The following DGKI variants were observed in gnomAD, a reference collection of about 807,000 sequenced individuals.
The protein encoded by DGKI is diacylglycerol kinase iota.
A neutral mutation model predicts 147.5 loss-of-function variants in DGKI; 55 were observed. That is an observed-to-expected ratio of 0.37 (90% CI 0.30 to 0.47). The LOEUF is 0.47. Among genes scored for constraint, DGKI ranks in the 20% least tolerant of loss-of-function variants. The probability of loss-of-function intolerance (pLI) is 1.00; values close to 1 mark genes in which losing one functional copy is unlikely to be tolerated. For missense variants in DGKI, 1,007 were observed against 1,323.8 expected (o/e 0.76, Z 3.71); for synonymous variants, 469 against 477.1 (o/e 0.98, Z 0.22).
rs563371547 is a variant in DGKI, at chr7:137,752,700, G to T, written c.402-62698C>A. On this transcript the variant is annotated intron_variant, in intron 1 of 32. Transcript: ENST00000614521. ...TCACATAACCCCTGCTTGCTCAATCGATCACGACCCTCTCACATGGACCCC... is the reference window on the plus strand; with the variant it reads ...TCACATAACCCCTGCTTGCTCAATCTATCACGACCCTCTCACATGGACCCC... Among the ~76,000 whole-genome samples, 11 of 152,190 alleles carry T rather than the reference G, an allele frequency of 7.2e-5. No homozygotes were observed. In the South Asian group the frequency reaches 1.9e-3, roughly 26 times the overall value.
intron 5 of DGKI, among the ~76,000 whole-genome samples, chr7:137,649,018 G>C (rs2129009684): frequency 6.6e-6 from 1 of 152,224 alleles, no homozygotes; most frequent in East Asian, 1.9e-4. Flanking sequence ...CCAAACTACA[G>C]CTCTGCGATT....
At chr7:137,837,875 C>T (rs1177660692) in intron 1 of DGKI, among the ~76,000 whole-genome samples, 1 of 152,112 alleles carries the variant, frequency 6.6e-6, no homozygotes, top group African/African-American at 2.4e-5. Context: ...TCAGGGAAGC[C>T]CATGCTTGGC....
rs1795563306 is a variant in DGKI at position 137,753,164 on chromosome 7, A to T, written c.402-63162T>A. On this transcript the variant is annotated intron_variant, in intron 1 of 32. Coordinates refer to ENST00000614521, the MANE Select transcript of DGKI (RefSeq NM_001321708.2). ...GTCCCTAAATAATAAACAAAGTTAC[A>T]CTTGAGTGGTCTGACTACAGAGAAG... is the stretch of plus-strand genomic sequence containing the variant. 2.0e-5 allele frequency among the ~76,000 whole-genome samples: 3 copies of T among 152,182 alleles called. No individual in the cohort carries two copies. In the South Asian group the frequency reaches 6.2e-4, roughly 32 times the overall value.
intron 27 of DGKI, among the ~76,000 whole-genome samples, chr7:137,445,297 G>T (rs1813671148): frequency 6.6e-6 from 1 of 152,158 alleles, no homozygotes; most frequent in Admixed American, 6.5e-5. Flanking sequence ...TCAATGAGTG[G>T]CAAAGTATCA....
At chr7:137,752,972 C>T (rs1356403514) in intron 1 of DGKI, among the ~76,000 whole-genome samples, 1 of 152,072 alleles carries the variant, frequency 6.6e-6, no homozygotes, top group African/African-American at 2.4e-5. Context: ...CCCTACTCAT[C>T]CTTCCTAGAC....
chr7:137,771,696 CT>C (rs1796202134), intron 1 of DGKI: 1 of 152,192 alleles, frequency 6.6e-6, no homozygotes, highest in African/African-American at 2.4e-5. Flanking sequence ...CCACTATGGT[CT>C]TCATGGAAAG....
intron 20 of DGKI, among the ~76,000 whole-genome samples, chr7:137,536,266 T>C (rs1365184692): frequency 1.3e-5 from 2 of 152,190 alleles, no homozygotes; most frequent in East Asian, 1.9e-4. Flanking sequence ...CCATTTCTTG[T>C]TCTCTGTCTT....
chr7:137,806,166 G>T (rs1797358351), intron 1 of DGKI, among the ~76,000 whole-genome samples: 1 of 152,200 alleles, frequency 6.6e-6, no homozygotes, highest in South Asian at 2.1e-4. Context: ...GAAGGCAGGG[G>T]AAACGAGAAA....
At chr7:137,545,913 C>T (rs1267037628) in intron 20 of DGKI, 6 of 702,218 alleles carry the variant, frequency 8.5e-6, no homozygotes, top group African/African-American at 3.5e-5. Flanking sequence ...GTGAAGGAGC[C>T]GGGGGGAGCA....
intron 20 of DGKI, among the ~76,000 whole-genome samples, chr7:137,527,790 A>G (rs1394768907): frequency 1.3e-5 from 2 of 152,158 alleles, no homozygotes; most frequent in Non-Finnish European, 2.9e-5. Flanking sequence ...ATTTAATAGT[A>G]ATAATGAATT....
At chr7:137,430,059 T>C (rs1217582536) in intron 28 of DGKI, among the ~76,000 whole-genome samples, 3 of 116,968 alleles carry the variant, frequency 2.6e-5, no homozygotes, top group African/African-American at 9.5e-5. Context: ...ACTGGGTATA[T>C]ACCCAAAGGA....
chr7:137,615,630 C>T (rs536830775), intron 8 of DGKI, among the ~76,000 whole-genome samples: 6 of 148,640 alleles, frequency 4.0e-5, no homozygotes, highest in South Asian at 2.1e-4. Flanking sequence ...CCAAATTTTC[C>T]GTTAGTCACT....
Position 137,407,889 on chromosome 7 carries a change from T to C in DGKI, c.2906A>G (p.Tyr969Cys). The C allele has an allele frequency of 6.2e-7, 1 of 1,614,132 alleles. No individual in the cohort carries two copies. Among genetic ancestry groups the C allele is most frequent in the Non-Finnish European group, 8.5e-7 (1 of 1,179,958 alleles). ...TGCCTACTTACCGTGGTCAAGGATATATTTCACAATCTCCCCGTTGCCGGT... is the reference window on the plus strand; with the variant it reads ...TGCCTACTTACCGTGGTCAAGGATACATTTCACAATCTCCCCGTTGCCGGT... ...AKTGNGEIVK[Y>C]ILDHGPSELL... Residue 969 changes from tyrosine to cysteine, a missense_variant, in exon 30 of 33, where the codon TAT (tyrosine) becomes TGT (cysteine). Tyr to Cys is a radical substitution (Grantham distance 194). Coordinates refer to ENST00000614521, the MANE Select transcript of DGKI (RefSeq NM_001321708.2).
chr7:137,431,256 T>G (rs970604383), intron 28 of DGKI, among the ~76,000 whole-genome samples: 4 of 152,006 alleles, frequency 2.6e-5, no homozygotes, highest in African/African-American at 7.2e-5. Flanking sequence ...ACCTTTTTTT[T>G]TTTTTTCTCA....
At chr7:137,697,864 T>C (rs1823843585) in intron 1 of DGKI, among the ~76,000 whole-genome samples, 1 of 152,014 alleles carries the variant, frequency 6.6e-6, no homozygotes, top group African/African-American at 2.4e-5. Context: ...ATAATTTTAT[T>C]CTCACTACTC....
intron 1 of DGKI, among the ~76,000 whole-genome samples, chr7:137,823,626 T>C (rs1247856168): frequency 6.6e-6 from 1 of 152,192 alleles, no homozygotes; most frequent in Non-Finnish European, 1.5e-5. Flanking sequence ...AAAGGAGGTG[T>C]GACGCTTAGG....
At chr7:137,678,345 C>G (rs1563146179) in intron 3 of DGKI, among the ~76,000 whole-genome samples, 1 of 152,206 alleles carries the variant, frequency 6.6e-6, no homozygotes, top group Non-Finnish European at 1.5e-5. Flanking sequence ...AAGGCCTGGC[C>G]TGCATAAGTG....
intron 29 of DGKI, 97 bp from the exon 30 acceptor site, chr7:137,408,092 A>C (rs548220437): frequency 1.2e-4 from 177 of 1,446,492 alleles, no homozygotes; most frequent in Admixed American, 7.1e-4. Flanking sequence ...GCAGACCACA[A>C]TGTTTCCAGC....
intron 20 of DGKI, among the ~76,000 whole-genome samples, chr7:137,524,600 A>G (rs567470438): frequency 6.6e-6 from 1 of 152,228 alleles, no homozygotes; most frequent in Admixed American, 6.5e-5. Flanking sequence ...TTTATTTCCA[A>G]GTTCACTCAA....
Sources: allele counts gnomAD v4.1 joint callset (sites outside exome capture counted in the v4.1 genomes callset), GRCh38; gene constraint gnomAD v4.1.1; transcripts MANE v1.5; gene names NCBI Gene and HGNC (gene_info 2026-07-23, HGNC 2026-07-21).